NBEA: variants seen among roughly 807,000 people sequenced by gnomAD.
NBEA encodes the protein neurobeachin, also known as lysosomal-trafficking regulator 2.
NBEA carries 44 observed loss-of-function variants against 343.4 expected under a neutral mutation model. The ratio of observed to expected loss-of-function variants is 0.13; its 90% confidence interval spans 0.10 to 0.16. The LOEUF is 0.16. Ranked by LOEUF, NBEA falls within the 10% of genes least tolerant of loss-of-function variation. The pLI is 1.00. For missense variants in NBEA, 2,555 were observed against 3,631.3 expected (o/e 0.70, Z 7.62); for synonymous variants, 1,175 against 1,238.7 (o/e 0.95, Z 1.08).
At chr13:35,041,198 A>T in intron 2 of NBEA, 34 bp downstream of exon 2, 1 of 1,519,926 alleles carries the variant, frequency 6.6e-7, no homozygotes, top group Non-Finnish European at 9.1e-7. Context: ...GTATAACTTA[A>T]ATGTTTATAA....
Position 35,117,402 on chromosome 13 carries a change from G to C in NBEA, c.2003-12G>C. ...TATTTTTTATTTTACTTTTTTTTCT[G>C]TTTTGTTCTAGATGGTCCCCGGCCA... is the stretch of plus-strand genomic sequence containing the variant. On this transcript the variant is annotated splice_polypyrimidine_tract_variant and intron_variant, in intron 13 of 58. Coordinates refer to ENST00000379939, the MANE Select transcript of NBEA (RefSeq NM_001385012.1). The C allele has an allele frequency of 3.1e-6, 4 of 1,293,518 alleles. No homozygotes were observed. The highest frequency in any genetic ancestry group is 4.0e-6 in the Non-Finnish European group (4 of 1,007,864). The allele number at this position is 1,293,518 out of a possible 1,614,324, so 80.1% of individuals were successfully genotyped here. A position where few individuals can be genotyped will look rare whatever the true frequency, so the allele number is the denominator to read the frequency against.
At chr13:35,427,068 A>G (rs562758082) in intron 38 of NBEA, among the ~76,000 whole-genome samples, 4 of 152,068 alleles carry the variant, frequency 2.6e-5, no homozygotes, top group South Asian at 2.1e-4. Flanking sequence ...CTTCTTTGCT[A>G]TTGGTTAGAA....
At chr13:35,483,024 T>C (rs897574269) in intron 41 of NBEA, among the ~76,000 whole-genome samples, 1 of 151,936 alleles carries the variant, frequency 6.6e-6, no homozygotes, top group African/African-American at 2.4e-5. Context: ...TTGTCATGCT[T>C]CTAATTAAAG....
At chr13:35,325,751 T>TC (rs1245315469) in intron 36 of NBEA, among the ~76,000 whole-genome samples, 1 of 152,138 alleles carries the variant, frequency 6.6e-6, no homozygotes, top group East Asian at 1.9e-4. Flanking sequence ...GAAAGGTATT[T>TC]CCTGTGTTTT....
At chr13:35,009,756 A>G (rs2061424095) in intron 1 of NBEA, among the ~76,000 whole-genome samples, 1 of 152,142 alleles carries the variant, frequency 6.6e-6, no homozygotes, top group African/African-American at 2.4e-5. Flanking sequence ...GGATGCAGAG[A>G]CACCACCTGG....
At chr13:35,529,073 C>T (rs1316201547) in intron 41 of NBEA, among the ~76,000 whole-genome samples, 1 of 151,796 alleles carries the variant, frequency 6.6e-6, no homozygotes, top group Non-Finnish European at 1.5e-5. Context: ...TTACTATGTT[C>T]TAGGAATTGT....
chr13:35,445,797 T>C (rs997290769), intron 39 of NBEA, among the ~76,000 whole-genome samples: 10 of 83,450 alleles, frequency 1.2e-4, no homozygotes, highest in Non-Finnish European at 1.4e-4. Context: ...TATATATATA[T>C]ATATATATAT....
rs370026996 is a variant in NBEA, at chr13:35,401,246, A to G, written c.6180-31023A>G. Among the ~76,000 whole-genome samples, 125 of 152,088 alleles carry G rather than the reference A, an allele frequency of 8.2e-4. 1 individual carries two copies. Among genetic ancestry groups the G allele is most frequent in the African/African-American group, 2.9e-3 (119 of 41,524 alleles). On this transcript the variant is annotated intron_variant, in intron 38 of 58. Coordinates refer to ENST00000379939, the MANE Select transcript of NBEA (RefSeq NM_001385012.1). ...ATTTCTGAGCAATGGGAATAGAGCA[A>G]TGATAAGACAGAAAAGACATCTGCC...
At chr13:35,447,531 G>T (rs537408383) in intron 39 of NBEA, among the ~76,000 whole-genome samples, 2 of 152,102 alleles carry the variant, frequency 1.3e-5, no homozygotes, top group South Asian at 4.2e-4. Flanking sequence ...TCTATGGAGT[G>T]CTTTCATGGG....
chr13:35,670,215 G>A (rs1323735144), intron 58 of NBEA, among the ~76,000 whole-genome samples: 2 of 152,156 alleles, frequency 1.3e-5, no homozygotes, highest in Non-Finnish European at 2.9e-5. Context: ...GTGGCAGTGG[G>A]ACTGGGGAGG....
chr13:35,512,679 A>G (rs1219008460), intron 41 of NBEA, among the ~76,000 whole-genome samples: 2 of 152,256 alleles, frequency 1.3e-5, no homozygotes, highest in East Asian at 1.9e-4. Context: ...CTACTGCCAC[A>G]CAGTTCTTTC....
chr13:35,139,783 T>A, intron 17 of NBEA, among the ~76,000 whole-genome samples: 1 of 138,548 alleles, frequency 7.2e-6, no homozygotes, highest in East Asian at 2.4e-4. Flanking sequence ...ATCTCTTGAC[T>A]GCTGTGCAAC....
At chr13:35,309,439 T>C in intron 35 of NBEA, 89 bp from the exon 36 acceptor site, 1 of 678,556 alleles carries the variant, frequency 1.5e-6, no homozygotes, top group Admixed American at 3.2e-5. Context: ...ATGTGGAAGT[T>C]ATTAACAATA....
intron 1 of NBEA, among the ~76,000 whole-genome samples, chr13:34,960,350 A>G (rs975838407): frequency 1.1e-4 from 16 of 152,128 alleles, no homozygotes; most frequent in Admixed American, 2.6e-4. Context: ...TAAAAAAATG[A>G]AAGTTTATAA....
intron 38 of NBEA, among the ~76,000 whole-genome samples, chr13:35,409,468 C>A (rs2043460715): frequency 1.3e-5 from 2 of 151,982 alleles, no homozygotes; most frequent in South Asian, 4.2e-4. Flanking sequence ...TGTAACAAAC[C>A]TGCACAAGTA....
intron 36 of NBEA, among the ~76,000 whole-genome samples, chr13:35,339,754 G>A (rs1022944009): frequency 6.6e-6 from 1 of 151,936 alleles, no homozygotes; most frequent in Admixed American, 6.6e-5. Flanking sequence ...GAGGTGGGAG[G>A]TGTTACACAC....
intron 38 of NBEA, among the ~76,000 whole-genome samples, chr13:35,370,108 C>A (rs1052323051): frequency 6.6e-6 from 1 of 151,954 alleles, no homozygotes; most frequent in African/African-American, 2.4e-5. Flanking sequence ...TCTAGATGAT[C>A]TAACACTGAT....
chr13:35,126,412 G>A (rs1161126864), intron 17 of NBEA, among the ~76,000 whole-genome samples: 1 of 151,810 alleles, frequency 6.6e-6, no homozygotes, highest in Non-Finnish European at 1.5e-5. Flanking sequence ...ATTTAATTAT[G>A]AGTTAATAAA....
At chr13:35,560,267 AT>A (rs767000159) in intron 44 of NBEA, among the ~76,000 whole-genome samples, 70 of 152,344 alleles carry the variant, frequency 4.6e-4, no homozygotes, top group Non-Finnish European at 8.1e-4. Context: ...TCCTGGTACC[AT>A]ACAACTTCAC....
Sources: gnomAD v4.1 joint callset for allele counts (sites outside exome capture counted in the v4.1 genomes callset) on GRCh38, gnomAD v4.1.1 for gene constraint, MANE v1.5 for transcripts, NCBI Gene and HGNC (gene_info 2026-07-23, HGNC 2026-07-21) for gene names.